Variants in PRR5L observed in about 807,000 individuals in gnomAD.
PRR5L encodes proline-rich protein 5-like.
In PRR5L, 21 loss-of-function variants were observed where a neutral mutation model predicts 36.4. The observed-to-expected ratio is 0.58, with a 90% CI of 0.41 to 0.83. PRR5L has a LOEUF of 0.83. PRR5L is among the 40% of genes least tolerant of loss of function. The probability of loss-of-function intolerance (pLI) is 0.00; values close to 1 mark genes in which losing one functional copy is unlikely to be tolerated. For missense variants in PRR5L, 381 were observed against 473.3 expected, an observed-to-expected ratio of 0.80 and a Z score of 1.81; for synonymous variants, 188 against 197.0, an observed-to-expected ratio of 0.95 and a Z score of 0.38.
chr11:36,302,312 C>CCTGTGTG (rs1209429142), intron 1 of PRR5L, among the ~76,000 whole-genome samples: 1 of 152,118 alleles, frequency 6.6e-6, no homozygotes. Flanking sequence ...GAGGGAACAG[C>CCTGTGTG]CTGTGTGTAG....
At position 36,450,078 on chromosome 11, in the gene PRR5L, G is replaced by A. The variant is rs527784644; in HGVS notation, c.586-1131G>A. Among the ~76,000 whole-genome samples the A allele has an allele frequency of 2.5e-3, 374 of 152,078 alleles. 1 individual carries two copies. The highest frequency in any genetic ancestry group is 6.7e-3 in the South Asian group (32 of 4,802). ...GTCCTCTCTCCCCCAGCCCCTGGCCGCACCCATCTCAGTGTAATGGTACCA... is the reference window on the plus strand; with the variant it reads ...GTCCTCTCTCCCCCAGCCCCTGGCCACACCCATCTCAGTGTAATGGTACCA... On this transcript the variant is annotated intron_variant, in intron 7 of 8. Coordinates refer to ENST00000530639, the MANE Select transcript of PRR5L (RefSeq NM_001160167.2).
In PRR5L at chr11:36,401,202, G is replaced by A; in HGVS notation, c.81G>A (p.Met27Ile). 1 of 1,614,044 alleles carries A rather than the reference G, an allele frequency of 6.2e-7. No individual in the cohort carries two copies. Residue 27 changes from methionine (M) to isoleucine (I), a missense_variant, in exon 2 of 9, where the codon ATG becomes ATA. Transcript: ENST00000530639. ...TCCGCAGGCCTAGACCGCGCTTCAT[G>A]AGCTCCCCCGTGCTCAGCGACCTTC... ...GSFRRPRPRF[M>I]SSPVLSDLPR...
intron 1 of PRR5L, among the ~76,000 whole-genome samples, chr11:36,347,077 T>C (rs1856875050): frequency 6.6e-6 from 1 of 152,226 alleles, no homozygotes; most frequent in African/African-American, 2.4e-5. Context: ...ACTTTGAATA[T>C]CGTGTATGTG....
chr11:36,404,182 CTA>C (rs1049037447), intron 3 of PRR5L, among the ~76,000 whole-genome samples: 56 of 151,428 alleles, frequency 3.7e-4, no homozygotes, highest in African/African-American at 1.3e-3. Context: ...GCAGTTAGGT[CTA>C]TGTTTTGGTG....
chr11:36,382,903 C>T (rs886152690), intron 1 of PRR5L, among the ~76,000 whole-genome samples: 4 of 152,012 alleles, frequency 2.6e-5, no homozygotes, highest in East Asian at 1.9e-4. Flanking sequence ...ATCTTGGGCC[C>T]AGTGAATGAA....
In PRR5L at chr11:36,374,107, T is replaced by TGC. The variant is rs1554989613; in HGVS notation, c.-125-26890_-125-26889insGC. Among the ~76,000 whole-genome samples, 39 of 90,516 alleles carry TGC rather than the reference T, an allele frequency of 4.3e-4. 1 individual carries two copies. Among genetic ancestry groups the TGC allele is most frequent in the South Asian group, 8.3e-4 (2 of 2,396 alleles). The allele number at this position is 90,516 out of a possible 152,430, so 59.4% of individuals were successfully genotyped here. A position where few individuals can be genotyped will look rare whatever the true frequency, so the allele number is the denominator to read the frequency against. ...CTTCCTTCCTTCCTTCCTTCCTTCCTCTCTCTCTCTCTCTCTTTCTTTCTT... is the reference window on the plus strand; with the variant it reads ...CTTCCTTCCTTCCTTCCTTCCTTCCTGCCTCTCTCTCTCTCTCTTTCTTTCTT... On this transcript the variant is annotated intron_variant, in intron 1 of 8. Transcript: ENST00000530639.
intron 1 of PRR5L, among the ~76,000 whole-genome samples, chr11:36,369,334 T>C (rs1311152907): frequency 3.9e-5 from 6 of 152,134 alleles, no homozygotes; most frequent in Admixed American, 3.3e-4. Context: ...TTATCTTATA[T>C]AGCACGTGGG....
chr11:36,345,762 G>A (rs761065422), intron 1 of PRR5L, among the ~76,000 whole-genome samples: 18 of 152,348 alleles, frequency 1.2e-4, no homozygotes, highest in Non-Finnish European at 2.5e-4. Context: ...GGTTTAGTGG[G>A]AGGTGTGGGT....
At chr11:36,386,124 G>C (rs577694329) in intron 1 of PRR5L, among the ~76,000 whole-genome samples, 1 of 152,092 alleles carries the variant, frequency 6.6e-6, no homozygotes, top group South Asian at 2.1e-4. Flanking sequence ...AGCAAGACCT[G>C]TCTCTACAAA....
chr11:36,373,969 T>C (rs1215003370), intron 1 of PRR5L, among the ~76,000 whole-genome samples: 4 of 152,208 alleles, frequency 2.6e-5, no homozygotes, highest in Admixed American at 2.6e-4. Context: ...CAGATTTGTT[T>C]AACTGAACCG....
intron 1 of PRR5L, among the ~76,000 whole-genome samples, chr11:36,388,865 A>AT (rs1857508739): frequency 6.6e-6 from 1 of 151,770 alleles, no homozygotes; most frequent in African/African-American, 2.4e-5. Context: ...AGCCCGGCTG[A>AT]TTTTTTTGTA....
intron 3 of PRR5L, among the ~76,000 whole-genome samples, chr11:36,409,267 G>A (rs373529799): frequency 2.6e-5 from 4 of 152,066 alleles, no homozygotes; most frequent in Non-Finnish European, 5.9e-5. Flanking sequence ...ACTTTTTCTC[G>A]GCAGAAATAA....
chr11:36,350,972 A>ATATATATTTATATATTTATATATT (rs1251046980), intron 1 of PRR5L, among the ~76,000 whole-genome samples: 1 of 48,366 alleles, frequency 2.1e-5, no homozygotes, highest in African/African-American at 8.6e-5. Context: ...TTATATATTT[A>ATATATATTTATATATTTATATATT]TATATATTTA....
intron 4 of PRR5L, chr11:36,425,887 A>G (rs1436064206): frequency 6.6e-6 from 1 of 152,204 alleles, no homozygotes; most frequent in Non-Finnish European, 1.5e-5. Flanking sequence ...GAACCTTCTA[A>G]GACATTGATA....
At chr11:36,351,532 TATAAA>T (rs1414450439) in intron 1 of PRR5L, among the ~76,000 whole-genome samples, 2 of 15,032 alleles carry the variant, frequency 1.3e-4, no homozygotes, top group African/African-American at 7.9e-4. Flanking sequence ...TATATATTTA[TATAAA>T]TATATATTTA....
intron 1 of PRR5L, among the ~76,000 whole-genome samples, chr11:36,369,555 C>G (rs954937889): frequency 6.6e-6 from 1 of 152,036 alleles, no homozygotes; most frequent in Admixed American, 6.6e-5. Flanking sequence ...CCAAGAAAGA[C>G]GAAAATCTCT....
chr11:36,331,076 G>A (rs1422446578), intron 1 of PRR5L, among the ~76,000 whole-genome samples: 1 of 152,096 alleles, frequency 6.6e-6, no homozygotes, highest in Non-Finnish European at 1.5e-5. Flanking sequence ...AAAGTGCTGG[G>A]ATTACAGGCA....
rs1230099439 is a variant in PRR5L, at chr11:36,415,716, C to G, written c.246-3539C>G. 4.6e-5 allele frequency among the ~76,000 whole-genome samples: 7 copies of G among 152,296 alleles called. No homozygotes were observed. The South Asian group carries it at 1.2e-3, about 27-fold the overall frequency. ...CTGAGATCACACCACTGCACTCCAG[C>G]TTGGGCAACAGAGTGCAACTCTGTC... On this transcript the variant is annotated intron_variant, in intron 3 of 8. Coordinates refer to ENST00000530639, the MANE Select transcript of PRR5L (RefSeq NM_001160167.2).
rs1857836961 is a variant in PRR5L, at chr11:36,403,301, T to A, written c.168T>A (p.Val56=). 1 of 1,613,970 alleles carries A rather than the reference T, an allele frequency of 6.2e-7. No homozygotes were observed. The highest frequency in any genetic ancestry group is 8.5e-7 in the Non-Finnish European group (1 of 1,179,870). The change falls in exon 3 of 9, where the codon GTT becomes GTA. Residue 56 remains valine, a synonymous_variant. Coordinates refer to ENST00000530639, the MANE Select transcript of PRR5L (RefSeq NM_001160167.2). ...GGGTTATTCTCTTTTCCTGTAGCGT[T>A]CAGACTGCTGTGATCAACGTTTTCA... ...QLSSSSAWNS[V]QTAVINVFKG...
Sources: allele counts gnomAD v4.1 joint callset (sites outside exome capture counted in the v4.1 genomes callset), GRCh38; gene constraint gnomAD v4.1.1; transcripts MANE v1.5; gene names NCBI Gene and HGNC (gene_info 2026-07-23, HGNC 2026-07-21).